ZFPM2: variants seen among roughly 807,000 people sequenced by gnomAD.
ZFPM2 encodes zinc finger protein, FOG family member 2, also known as zinc finger protein ZFPM2.
Under a neutral mutation model 98.6 loss-of-function variants are expected in ZFPM2, and 20 were observed. The observed-to-expected ratio is 0.20, with a 90% CI of 0.14 to 0.29. The LOEUF (loss-of-function observed/expected upper bound fraction) is 0.29. ZFPM2 is among the 10% of genes least tolerant of loss of function. The pLI is 1.00. For missense variants in ZFPM2, 1,310 were observed against 1,388.6 expected (o/e 0.94, Z 0.90); for synonymous variants, 518 against 502.7 (o/e 1.03, Z -0.41).
At chr8:105,627,422 T>C (rs1479189313) in intron 4 of ZFPM2, among the ~76,000 whole-genome samples, 1 of 152,126 alleles carries the variant, frequency 6.6e-6, no homozygotes, top group East Asian at 1.9e-4. Context: ...AGATTTCTTT[T>C]TTTTAAAAAA....
intron 5 of ZFPM2, among the ~76,000 whole-genome samples, chr8:105,723,437 C>T (rs1811719142): frequency 6.6e-6 from 1 of 151,786 alleles, no homozygotes; most frequent in Non-Finnish European, 1.5e-5. Context: ...CCTTATGACC[C>T]CTCGATCTAA....
intron 5 of ZFPM2, among the ~76,000 whole-genome samples, chr8:105,653,636 T>A (rs1465578833): frequency 6.6e-6 from 1 of 152,150 alleles, no homozygotes; most frequent in African/African-American, 2.4e-5. Context: ...CAGGGTCTAG[T>A]GATTACTGAT....
intron 1 of ZFPM2, among the ~76,000 whole-genome samples, chr8:105,365,444 G>C (rs930377259): frequency 4.6e-5 from 7 of 152,108 alleles, no homozygotes; most frequent in Non-Finnish European, 1.0e-4. Context: ...TCCATTATCA[G>C]ATATTCAATT....
At chr8:105,516,619 T>C (rs1292356760) in intron 3 of ZFPM2, among the ~76,000 whole-genome samples, 14 of 152,212 alleles carry the variant, frequency 9.2e-5, no homozygotes, top group Admixed American at 7.2e-4. Flanking sequence ...AAGGTGGCCA[T>C]GTATTCGGAT....
intron 1 of ZFPM2, among the ~76,000 whole-genome samples, chr8:105,368,642 CCAGATCCTTTCCTCTT>C (rs1810556437): frequency 6.6e-6 from 1 of 152,066 alleles, no homozygotes; most frequent in African/African-American, 2.4e-5. Context: ...TTCTTCCTCC[CCAGATCCTTTCCTCTT>C]GACCTCCCTT....
At chr8:105,390,031 T>C (rs1167933254) in intron 1 of ZFPM2, among the ~76,000 whole-genome samples, 1 of 152,184 alleles carries the variant, frequency 6.6e-6, no homozygotes, top group African/African-American at 2.4e-5. Flanking sequence ...AATCATGCTA[T>C]TTATTTTAAA....
At chr8:105,670,168 C>A (rs1334268813) in intron 5 of ZFPM2, 1 of 151,948 alleles carries the variant, frequency 6.6e-6, no homozygotes, top group Non-Finnish European at 1.5e-5. Flanking sequence ...GAAGCAAAAC[C>A]ACAAAGAACA....
At chr8:105,408,729 G>A (rs2130023741) in intron 1 of ZFPM2, among the ~76,000 whole-genome samples, 1 of 151,864 alleles carries the variant, frequency 6.6e-6, no homozygotes, top group South Asian at 2.1e-4. Flanking sequence ...GGACTGTACA[G>A]GCTTAGCGAG....
chr8:105,423,226 T>C (rs73302130), intron 2 of ZFPM2, among the ~76,000 whole-genome samples: 2,660 of 152,322 alleles, frequency 0.017, 77 homozygotes, highest in African/African-American at 0.059. Context: ...TTCTTAATTA[T>C]ATAAGTCCAT....
chr8:105,632,383 T>A (rs914543462), intron 4 of ZFPM2, among the ~76,000 whole-genome samples: 2 of 152,168 alleles, frequency 1.3e-5, no homozygotes, highest in Non-Finnish European at 2.9e-5. Context: ...TTGGCCAGTC[T>A]GCTCTCAAAC....
chr8:105,352,968 T>C (rs1269087755), intron 1 of ZFPM2, among the ~76,000 whole-genome samples: 1 of 152,074 alleles, frequency 6.6e-6, no homozygotes, highest in Non-Finnish European at 1.5e-5. Flanking sequence ...CACATCAATA[T>C]GTAAAAATAA....
chr8:105,334,075 A>AT (rs1439523175), intron 1 of ZFPM2, among the ~76,000 whole-genome samples: 1 of 145,764 alleles, frequency 6.9e-6, no homozygotes, highest in Admixed American at 6.9e-5. Context: ...TGGAATGTGA[A>AT]TGTCAGTATT....
chr8:105,432,127 G>T (rs1812033166), intron 2 of ZFPM2, among the ~76,000 whole-genome samples: 1 of 152,026 alleles, frequency 6.6e-6, no homozygotes, highest in South Asian at 2.1e-4. Context: ...CTAAGGACAG[G>T]AAATAGTAGA....
intron 1 of ZFPM2, among the ~76,000 whole-genome samples, chr8:105,344,330 G>A (rs1812479293): frequency 6.6e-6 from 1 of 152,098 alleles, no homozygotes; most frequent in Non-Finnish European, 1.5e-5. Context: ...CTTGGGAGGG[G>A]CTCAAGCAGT....
chr8:105,459,960 T>G (rs1812673141), intron 3 of ZFPM2, among the ~76,000 whole-genome samples: 3 of 152,106 alleles, frequency 2.0e-5, no homozygotes, highest in Admixed American at 2.0e-4. Flanking sequence ...GACTCAACAC[T>G]AGGGCCTTTG....
intron 1 of ZFPM2, chr8:105,387,089 A>T (rs548275620): frequency 1.3e-5 from 2 of 152,662 alleles, no homozygotes; most frequent in African/African-American, 2.4e-5. Flanking sequence ...CCGCCAGAGT[A>T]GCTAGATAGA....
At chr8:105,382,208 T>G (rs1368160926) in intron 1 of ZFPM2, among the ~76,000 whole-genome samples, 1 of 152,122 alleles carries the variant, frequency 6.6e-6, no homozygotes, top group Non-Finnish European at 1.5e-5. Context: ...TATTTCTATC[T>G]GGTCAATAGT....
At position 105,804,458 on chromosome 8, in the gene ZFPM2, A is replaced by G. The variant is rs1814142984; in HGVS notation, c.*920A>G. 6.6e-6 allele frequency: 1 copy of G among 152,604 alleles called. No individual in the cohort carries two copies. The highest frequency in any genetic ancestry group is 2.4e-5 in the African/African-American group (1 of 41,452). 9.5% of individuals were successfully genotyped at this position (152,604 alleles called of 1,614,324 possible). A position where few individuals can be genotyped will look rare whatever the true frequency, so the allele number is the denominator to read the frequency against. On this transcript the variant is annotated 3_prime_UTR_variant, in exon 8 of 8. Coordinates refer to ENST00000407775, the MANE Select transcript of ZFPM2 (RefSeq NM_012082.4). ...CTGGTGATCACAAAGATAATGTTCT[A>G]CTTCTGATAGAAATAATTTCTCAAC...
At chr8:105,507,288 G>T (rs1215595562) in intron 3 of ZFPM2, among the ~76,000 whole-genome samples, 1 of 152,152 alleles carries the variant, frequency 6.6e-6, no homozygotes, top group Admixed American at 6.5e-5. Flanking sequence ...GTGATCTCAG[G>T]TTAGGGGTGA....
Sources: gnomAD v4.1 joint callset for allele counts (sites outside exome capture counted in the v4.1 genomes callset) on GRCh38, gnomAD v4.1.1 for gene constraint, MANE v1.5 for transcripts, NCBI Gene and HGNC (gene_info 2026-07-23, HGNC 2026-07-21) for gene names.